ERO1A: variants seen among roughly 807,000 people sequenced by gnomAD.
The protein encoded by ERO1A is endoplasmic reticulum oxidoreductase 1 alpha, also known as ERO1-like protein alpha.
A neutral mutation model predicts 76.9 loss-of-function variants in ERO1A; 49 were observed. The observed-to-expected ratio is 0.64, with a 90% CI of 0.51 to 0.81. ERO1A has a LOEUF of 0.81. Ranked by LOEUF, ERO1A falls within the 30% of genes least tolerant of loss-of-function variation. The pLI is 0.00. For missense variants in ERO1A, 448 were observed against 542.1 expected, an observed-to-expected ratio of 0.83 and a Z score of 1.72; for synonymous variants, 174 against 181.2, an observed-to-expected ratio of 0.96 and a Z score of 0.32.
intron 1 of ERO1A, among the ~76,000 whole-genome samples, chr14:52,688,057 A>C (rs1344481762): frequency 6.6e-6 from 1 of 152,132 alleles, no homozygotes; most frequent in Non-Finnish European, 1.5e-5. Context: ...CATTGGGTGC[A>C]CATCTGTAGT....
In ERO1A at chr14:52,642,026, A is replaced by G. The variant is rs2039492542; in HGVS notation, c.*1544T>C. On this transcript the variant is annotated 3_prime_UTR_variant, in exon 16 of 16. Transcript: ENST00000395686. Reference sequence around the variant, plus strand: ...ATAAATAAACCCCACTTTACTACTAATGTGACATTTCAACATGTTATACCT... The same window carrying G: ...ATAAATAAACCCCACTTTACTACTAGTGTGACATTTCAACATGTTATACCT... The G allele has an allele frequency of 6.6e-6, 1 of 152,206 alleles. No individual in the cohort carries two copies. The highest frequency in any genetic ancestry group is 1.5e-5 in the Non-Finnish European group (1 of 68,036). The allele number at this position is 152,206 out of a possible 1,614,324, so 9.4% of individuals were successfully genotyped here.
chr14:52,649,951 C>T (rs1009372837), intron 13 of ERO1A, among the ~76,000 whole-genome samples: 1 of 152,198 alleles, frequency 6.6e-6, no homozygotes, highest in African/African-American at 2.4e-5. Flanking sequence ...GGTGGTGGCT[C>T]ACACCTGTAC....
At chr14:52,683,132 C>A (rs1187424891) in intron 2 of ERO1A, among the ~76,000 whole-genome samples, 2 of 151,998 alleles carry the variant, frequency 1.3e-5, no homozygotes, top group Non-Finnish European at 2.9e-5. Context: ...TGCCTGAACC[C>A]AGGAGGCGGA....
intron 11 of ERO1A, among the ~76,000 whole-genome samples, chr14:52,654,192 G>T (rs1448578963): frequency 6.6e-6 from 1 of 151,750 alleles, no homozygotes; most frequent in African/African-American, 2.4e-5. Context: ...TCTTTGCCTG[G>T]TTCTCATGCT....
chr14:52,663,532 G>T (rs1029573420), intron 8 of ERO1A, among the ~76,000 whole-genome samples: 1 of 150,748 alleles, frequency 6.6e-6, no homozygotes, highest in African/African-American at 2.4e-5. Flanking sequence ...CCCGGGAGGC[G>T]AAGTTTGCAG....
chr14:52,689,495 G>T (rs2041286192), intron 1 of ERO1A, among the ~76,000 whole-genome samples: 1 of 151,334 alleles, frequency 6.6e-6, no homozygotes, highest in Admixed American at 6.6e-5. Context: ...CACTAACAAT[G>T]AACTATCCAA....
chr14:52,650,381 C>A (rs1217050751), intron 13 of ERO1A, among the ~76,000 whole-genome samples: 1 of 150,724 alleles, frequency 6.6e-6, no homozygotes, highest in African/African-American at 2.4e-5. Flanking sequence ...TAACAATATT[C>A]TCTATCTTGT....
At chr14:52,675,148 C>G (rs2040737850) in intron 4 of ERO1A, among the ~76,000 whole-genome samples, 1 of 152,076 alleles carries the variant, frequency 6.6e-6, no homozygotes, top group African/African-American at 2.4e-5. Context: ...TTCTGGGAGG[C>G]CGAGACAGGT....
intron 4 of ERO1A, 143 bp downstream of exon 4, chr14:52,678,291 C>A: frequency 5.6e-6 from 3 of 537,272 alleles, no homozygotes; most frequent in South Asian, 3.5e-5. Context: ...CAAAAACAAA[C>A]AGAAAGAGAG....
At chr14:52,682,781 C>T (rs1041535325) in intron 2 of ERO1A, among the ~76,000 whole-genome samples, 1 of 151,804 alleles carries the variant, frequency 6.6e-6, no homozygotes, top group African/African-American at 2.4e-5. Context: ...TGCCTGTAAT[C>T]CTAGCTACTC....
At chr14:52,662,526 T>G (rs978609724) in intron 8 of ERO1A, among the ~76,000 whole-genome samples, 4 of 152,214 alleles carry the variant, frequency 2.6e-5, no homozygotes, top group African/African-American at 9.7e-5. Context: ...ACATTAAAGA[T>G]TTTAATCAGT....
At position 52,668,810 on chromosome 14, in the gene ERO1A, GAAGT is replaced by G. The variant is rs372331489; in HGVS notation, c.509-2319_509-2316del. Among the ~76,000 whole-genome samples, 95 of 147,826 alleles carry G rather than the reference GAAGT, an allele frequency of 6.4e-4. 1 individual carries two copies. In the East Asian group the frequency reaches 0.018, roughly 28 times the overall value. ...TAATTATAATTATACAATTATATTTGAAGTAATACTATAATTATATTAAATATTA... is the reference window on the plus strand; with the variant it reads ...TAATTATAATTATACAATTATATTTGAATACTATAATTATATTAAATATTA... On this transcript the variant is annotated intron_variant, in intron 6 of 15. Coordinates refer to ENST00000395686, the MANE Select transcript of ERO1A (RefSeq NM_014584.3).
At position 52,678,438 on chromosome 14, in the gene ERO1A, T is replaced by A; in HGVS notation, c.353A>T (p.Tyr118Phe). The change falls in exon 4 of 16, where the codon TAC (tyrosine) becomes TTC (phenylalanine). Residue 118 changes from tyrosine to phenylalanine, a missense_variant. This residue lies in a region of ERO1A where 302 missense variants were observed against 411.9 expected (regional missense o/e 0.73). Transcript: ENST00000395686. ...TCAATAGGTATACGTACACACCTTGTAGCTCGCAGATTTAATTCCATCAGG... is the reference window on the plus strand; with the variant it reads ...TCAATAGGTATACGTACACACCTTGAAGCTCGCAGATTTAATTCCATCAGG... ...EVPDGIKSAS[Y>F]KYSEEANNLI... is the part of the protein sequence containing the mutation. 6.2e-7 allele frequency: 1 copy of A among 1,613,386 alleles called. No individual in the cohort carries two copies. The highest frequency in any genetic ancestry group is 8.5e-7 in the Non-Finnish European group (1 of 1,179,634).
chr14:52,666,624 CT>C (rs2040419421), intron 6 of ERO1A, 129 bp from the exon 7 acceptor site: 1 of 881,906 alleles, frequency 1.1e-6, no homozygotes, highest in African/African-American at 1.8e-5. Context: ...TTTAAAACAA[CT>C]TTTCAGGAGA....
At position 52,695,405 on chromosome 14, in the gene ERO1A, T is replaced by C. The variant is rs773539363; in HGVS notation, c.77A>G (p.Gln26Arg). 1.4e-5 allele frequency: 22 copies of C among 1,541,348 alleles called. No homozygotes were observed. The highest frequency in any genetic ancestry group is 1.8e-5 in the Non-Finnish European group (21 of 1,142,758). Residue 26 changes from glutamine (Q) to arginine (R), a missense_variant, in exon 1 of 16, where the codon CAG becomes CGG. Physicochemically the swap from Gln to Arg is conservative, Grantham distance 43. This residue lies in a region of ERO1A where 146 missense variants were observed against 130.2 expected (regional missense o/e 1.12). Coordinates refer to ENST00000395686, the MANE Select transcript of ERO1A (RefSeq NM_014584.3). The stretch of plus-strand genomic sequence containing the variant: ...CCTCTGTGCCGCTGTCTCCGGGGGC[T>C]GCTCCTCTCCGTGGCCCGAGCTGAG... ...WLLSSGHGEE[Q>R]PPETAAQRCF... is the part of the protein sequence containing the mutation.
In ERO1A at chr14:52,683,656, T is replaced by C. The variant is rs10483613; in HGVS notation, c.234+132A>G. The stretch of plus-strand genomic sequence containing the variant: ...TTCAGAATCACATGCTTCACTCTTA[T>C]GAACTGAATTTTCTTAATAAAGCCT... On this transcript the variant is annotated intron_variant, in intron 2 of 15. Transcript: ENST00000395686. The C allele has an allele frequency of 0.13, 57,321 of 440,472 alleles. 4,236 individuals carry two copies. The highest frequency in any genetic ancestry group is 0.22 in the African/African-American group (11,024 of 49,038). The allele number at this position is 440,472 out of a possible 1,614,324, so 27.3% of individuals were successfully genotyped here. A position where few individuals can be genotyped will look rare whatever the true frequency, so the allele number is the denominator to read the frequency against.
At chr14:52,677,864 T>TAA (rs71267893) in intron 4 of ERO1A, among the ~76,000 whole-genome samples, 2,355 of 87,078 alleles carry the variant, frequency 0.027, 91 homozygotes, top group African/African-American at 0.055. Flanking sequence ...CCTTTTATCT[T>TAA]AAAAAAAAAA....
chr14:52,691,193 T>TA (rs1190512853), intron 1 of ERO1A, among the ~76,000 whole-genome samples: 1 of 152,210 alleles, frequency 6.6e-6, no homozygotes, highest in African/African-American at 2.4e-5. Context: ...TTTATCACCA[T>TA]AAAAAAATAA....
At chr14:52,688,426 G>A (rs1422534714) in intron 1 of ERO1A, among the ~76,000 whole-genome samples, 1 of 152,062 alleles carries the variant, frequency 6.6e-6, no homozygotes, top group African/African-American at 2.4e-5. Context: ...ACCTCTCTAG[G>A]CCTTGGTTTC....
Sources: allele counts gnomAD v4.1 joint callset (sites outside exome capture counted in the v4.1 genomes callset), GRCh38; gene constraint gnomAD v4.1.1; regional missense constraint gnomAD v4.1.1; transcripts MANE v1.5; gene names NCBI Gene and HGNC (gene_info 2026-07-23, HGNC 2026-07-21).